Variants in FRMPD4 observed in about 807,000 individuals in gnomAD.
The protein encoded by FRMPD4 is FERM and PDZ domain-containing protein 4.
In FRMPD4, 22 loss-of-function variants were observed where a neutral mutation model predicts 94.1. The ratio of observed to expected loss-of-function variants is 0.23; its 90% CI spans 0.17 to 0.33. The LOEUF (loss-of-function observed/expected upper bound fraction) is 0.33. Ranked by LOEUF, FRMPD4 falls within the 10% of genes least tolerant of loss-of-function variation. The probability of loss-of-function intolerance (pLI) is 1.00; values close to 1 mark genes in which losing one functional copy is unlikely to be tolerated. For synonymous variants in FRMPD4, 631 were observed against 548.6 expected (o/e 1.15, Z -2.10); for missense variants, 1,111 against 1,339.9 (o/e 0.83, Z 2.67).
intron 1 of FRMPD4, among the ~76,000 whole-genome samples, chrX:12,208,239 C>G (rs762668298): frequency 1.8e-5 from 2 of 110,335 alleles, no homozygotes; most frequent in South Asian, 7.8e-4. Flanking sequence ...AATTGCTAGA[C>G]AGGCAACAGG....
intron 3 of FRMPD4, among the ~76,000 whole-genome samples, chrX:12,025,910 G>A (rs1018286729): frequency 2.2e-4 from 25 of 111,647 alleles, no homozygotes; most frequent in African/African-American, 8.1e-4. Flanking sequence ...ACCACACTGG[G>A]GCACCTGACC....
At position 12,604,938 on chromosome X, in the gene FRMPD4, A is replaced by G. The variant is rs775356119; in HGVS notation, c.159-4783A>G. ...AGCCAATGCTTTTTGAGTGCTTACTATGTGCTTACATTTTGCTGAGTGCTT... is the reference window on the plus strand; with the variant it reads ...AGCCAATGCTTTTTGAGTGCTTACTGTGTGCTTACATTTTGCTGAGTGCTT... On this transcript the variant is annotated intron_variant, in intron 2 of 16. Coordinates refer to ENST00000675598, the MANE Select transcript of FRMPD4 (RefSeq NM_001368397.1). Among the ~76,000 whole-genome samples, 5 of 112,126 alleles carry G rather than the reference A, an allele frequency of 4.5e-5. No individual in the cohort carries two copies. The South Asian group carries it at 1.9e-3, about 42-fold the overall frequency.
At chrX:12,193,504 A>G (rs1320428170) in intron 1 of FRMPD4, among the ~76,000 whole-genome samples, 2 of 108,290 alleles carry the variant, frequency 1.8e-5, no homozygotes, top group South Asian at 8.1e-4. Flanking sequence ...ACAAAGGAAT[A>G]TATGGTAATT....
intron 15 of FRMPD4, among the ~76,000 whole-genome samples, 159 bp from the exon 16 acceptor site, chrX:12,717,342 C>G (rs950293495): frequency 1.4e-4 from 15 of 110,372 alleles, no homozygotes; most frequent in Non-Finnish European, 2.5e-4. Flanking sequence ...CATCTCCCCC[C>G]ACCCCCATTT....
intron 1 of FRMPD4, among the ~76,000 whole-genome samples, chrX:12,439,774 A>C (rs1222633325): frequency 8.9e-6 from 1 of 111,924 alleles, no homozygotes; most frequent in Non-Finnish European, 1.9e-5. Flanking sequence ...AGCAATTCAC[A>C]TTTTCCTATT....
chrX:12,067,958 A>T (rs1051743358), intron 3 of FRMPD4, among the ~76,000 whole-genome samples: 3 of 111,853 alleles, frequency 2.7e-5, no homozygotes, highest in Non-Finnish European at 5.6e-5. Flanking sequence ...TAAGCTAAGG[A>T]TCTTCAGATG....
intron 1 of FRMPD4, among the ~76,000 whole-genome samples, chrX:12,350,310 A>G (rs2055782416): frequency 8.9e-6 from 1 of 111,734 alleles, no homozygotes; most frequent in East Asian, 2.8e-4. Context: ...TTTAATTTTC[A>G]TAATTTAAAC....
intron 3 of FRMPD4, among the ~76,000 whole-genome samples, chrX:12,004,087 C>T (rs752054121): frequency 1.8e-5 from 2 of 111,560 alleles, no homozygotes; most frequent in East Asian, 5.6e-4. Flanking sequence ...TCTAGAAATA[C>T]CCTTGGGTCT....
chrX:12,245,045 C>T (rs1408345638), intron 1 of FRMPD4, among the ~76,000 whole-genome samples: 1 of 112,734 alleles, frequency 8.9e-6, no homozygotes, highest in African/African-American at 3.2e-5. Flanking sequence ...GGGTAGAACA[C>T]ATGTTTGATT....
chrX:12,463,681 G>GTGTTTTTTTTTTTTTTTTTT lies in FRMPD4; in HGVS notation c.42-34998_42-34997insGTTTTTTTTTTTTTTTTTTT, dbSNP rs1555969426. Among the ~76,000 whole-genome samples the GTGTTTTTTTTTTTTTTTTTT allele has an allele frequency of 7.8e-5, 4 of 51,046 alleles. 1 individual carries two copies. Among genetic ancestry groups the GTGTTTTTTTTTTTTTTTTTT allele is most frequent in the Non-Finnish European group, 1.4e-4 (4 of 29,312 alleles). 44.3% of individuals were successfully genotyped at this position (51,046 alleles called of 115,157 possible). A position where few individuals can be genotyped will look rare whatever the true frequency, so the allele number is the denominator to read the frequency against. On this transcript the variant is annotated intron_variant, in intron 1 of 16. Coordinates refer to ENST00000675598, the MANE Select transcript of FRMPD4 (RefSeq NM_001368397.1). ...GGGTGCCTGTGCCTCCTATGTGTGT[G>GTGTTTTTTTTTTTTTTTTTT]TTTTTTTTTTGTTTTTGTTTTTTTT...
chrX:12,557,708 C>T (rs767231662), intron 2 of FRMPD4, among the ~76,000 whole-genome samples: 1 of 111,426 alleles, frequency 9.0e-6, no homozygotes, highest in African/African-American at 3.3e-5. Flanking sequence ...TGCCCCATCT[C>T]TCTAAGCACG....
At chrX:12,149,429 A>G (rs1470645610) in intron 1 of FRMPD4, among the ~76,000 whole-genome samples, 1 of 111,630 alleles carries the variant, frequency 9.0e-6, no homozygotes, top group Non-Finnish European at 1.9e-5. Context: ...TCCAACCCTC[A>G]TAGATGGCTT....
chrX:12,524,722 T>A (rs1050271911), intron 2 of FRMPD4, among the ~76,000 whole-genome samples: 1 of 111,563 alleles, frequency 9.0e-6, no homozygotes, highest in African/African-American at 3.3e-5. Flanking sequence ...TTGACCTTGA[T>A]ATTCTCTGCC....
At chrX:11,898,632 T>C in intron 3 of FRMPD4, among the ~76,000 whole-genome samples, 1 of 112,021 alleles carries the variant, frequency 8.9e-6, no homozygotes, top group Middle Eastern at 4.6e-3. Flanking sequence ...AACATCACAT[T>C]GTACTCCATA....
At chrX:11,978,624 A>G (rs919861901) in intron 3 of FRMPD4, among the ~76,000 whole-genome samples, 3 of 111,950 alleles carry the variant, frequency 2.7e-5, no homozygotes, top group Non-Finnish European at 5.6e-5. Flanking sequence ...GAAGTAATGA[A>G]ATGGTTATTA....
chrX:12,069,452 T>C (rs2054948074), intron 3 of FRMPD4, among the ~76,000 whole-genome samples: 1 of 111,909 alleles, frequency 8.9e-6, no homozygotes, highest in African/African-American at 3.2e-5. Flanking sequence ...TGTGATGGCA[T>C]CTTAAATGTC....
At chrX:12,198,062 A>C (rs2056586174) in intron 1 of FRMPD4, among the ~76,000 whole-genome samples, 2 of 112,184 alleles carry the variant, frequency 1.8e-5, no homozygotes, top group African/African-American at 6.5e-5. Context: ...AATAATGTAA[A>C]GCACTCATAA....
intron 3 of FRMPD4, among the ~76,000 whole-genome samples, chrX:11,985,154 A>G (rs5935214): frequency 0.15 from 16,586 of 110,978 alleles, 1,352 homozygotes; most frequent in African/African-American, 0.29. Flanking sequence ...CCAAAAATCA[A>G]GAGAGGAGAG....
intron 3 of FRMPD4, among the ~76,000 whole-genome samples, chrX:11,974,210 G>A (rs1003117157): frequency 9.0e-5 from 10 of 111,204 alleles, no homozygotes; most frequent in African/African-American, 2.9e-4. Context: ...CTGATGGGAG[G>A]TGTTTGGGTC....
Sources: gnomAD v4.1 joint callset for allele counts (sites outside exome capture counted in the v4.1 genomes callset) on GRCh38, gnomAD v4.1.1 for gene constraint, MANE v1.5 for transcripts, NCBI Gene and HGNC (gene_info 2026-07-23, HGNC 2026-07-21) for gene names.